ATP8A1: variants seen among roughly 807,000 people sequenced by gnomAD.
ATP8A1 encodes phospholipid-transporting ATPase IA.
Under a neutral mutation model 177.7 loss-of-function variants are expected in ATP8A1, and 90 were observed. The ratio of observed to expected loss-of-function variants is 0.51; its 90% CI spans 0.43 to 0.60. The LOEUF is 0.60. Among genes scored for constraint, ATP8A1 ranks in the 20% least tolerant of loss-of-function variants. The probability of loss-of-function intolerance (pLI) is 0.00; values close to 1 mark genes in which losing one functional copy is unlikely to be tolerated. For synonymous variants in ATP8A1, 493 were observed against 485.9 expected, an observed-to-expected ratio of 1.01 and a Z score of -0.19; for missense variants, 1,072 against 1,392.8, an observed-to-expected ratio of 0.77 and a Z score of 3.67.
chr4:42,546,466 G>A (rs1313956996), intron 19 of ATP8A1, among the ~76,000 whole-genome samples: 2 of 147,936 alleles, frequency 1.4e-5, no homozygotes, highest in Non-Finnish European at 2.9e-5. Context: ...AGCATTAGGA[G>A]ATATACCCAA....
intron 4 of ATP8A1, among the ~76,000 whole-genome samples, chr4:42,623,632 A>G (rs1436438294): frequency 1.3e-5 from 2 of 152,154 alleles, no homozygotes. Context: ...CTCACTTGTA[A>G]ATGGGAGTAA....
chr4:42,484,231 T>C (rs772783691), intron 25 of ATP8A1, among the ~76,000 whole-genome samples: 57 of 152,354 alleles, frequency 3.7e-4, no homozygotes, highest in Admixed American at 2.5e-3. Flanking sequence ...GTCAAAATAA[T>C]TTCCAGTCTC....
intron 16 of ATP8A1, among the ~76,000 whole-genome samples, chr4:42,555,220 A>G: frequency 1.6e-5 from 1 of 62,390 alleles, no homozygotes; most frequent in African/African-American, 4.6e-5. Context: ...GCCCCCCCCT[A>G]GAGAACCCTA....
At chr4:42,484,074 TTAAG>T (rs1488626199) in intron 25 of ATP8A1, among the ~76,000 whole-genome samples, 1 of 152,246 alleles carries the variant, frequency 6.6e-6, no homozygotes, top group African/African-American at 2.4e-5. Context: ...GTTAAAGTGA[TTAAG>T]TGACCAAATC....
intron 15 of ATP8A1, among the ~76,000 whole-genome samples, chr4:42,561,232 C>T (rs995711878): frequency 5.9e-5 from 9 of 152,096 alleles, no homozygotes; most frequent in African/African-American, 2.2e-4. Flanking sequence ...GGGACAGGTG[C>T]GCACTGGGCC....
intron 27 of ATP8A1, among the ~76,000 whole-genome samples, chr4:42,462,171 A>G (rs1719238155): frequency 6.6e-6 from 1 of 152,226 alleles, no homozygotes; most frequent in South Asian, 2.1e-4. Context: ...TTCTGAGGAG[A>G]AATGGAAGCA....
Position 42,423,592 on chromosome 4 carries a change from C to T in ATP8A1, c.3212+25G>A, listed in dbSNP as rs191498738. 1.6e-4 allele frequency: 231 copies of T among 1,470,556 alleles called. 1 individual carries two copies. Among genetic ancestry groups the T allele is most frequent in the Middle Eastern group, 1.7e-4 (1 of 5,800 alleles). The allele number at this position is 1,470,556 out of a possible 1,614,324, so 91.1% of individuals were successfully genotyped here. ...GGATGAATATGCATCTATATTTCTC[C>T]GTATATAACTGAGTATATACTTACA... On this transcript the variant is annotated intron_variant, in intron 34 of 36. Coordinates refer to ENST00000381668, the MANE Select transcript of ATP8A1 (RefSeq NM_006095.2).
intron 20 of ATP8A1, among the ~76,000 whole-genome samples, chr4:42,528,326 A>G (rs185883189): frequency 6.6e-6 from 1 of 152,276 alleles, no homozygotes; most frequent in African/African-American, 2.4e-5. Flanking sequence ...GAAAAATAGT[A>G]AATCAAAAAC....
chr4:42,431,694 A>C (rs1014727098), intron 33 of ATP8A1, among the ~76,000 whole-genome samples: 6 of 152,002 alleles, frequency 3.9e-5, no homozygotes, highest in African/African-American at 1.2e-4. Flanking sequence ...TCTGGCTCTG[A>C]CCCCTCTGAA....
intron 22 of ATP8A1, among the ~76,000 whole-genome samples, chr4:42,514,933 ATGT>A (rs538537129): frequency 2.9e-4 from 44 of 152,374 alleles, no homozygotes; most frequent in African/African-American, 1.1e-3. Flanking sequence ...CTAGGAAAAA[ATGT>A]TGAATACGTA....
chr4:42,581,340 A>G (rs111747447), intron 10 of ATP8A1, among the ~76,000 whole-genome samples: 47 of 152,270 alleles, frequency 3.1e-4, no homozygotes, highest in African/African-American at 9.6e-4. Flanking sequence ...TCACCGTGTT[A>G]GCCAGCATGA....
At chr4:42,589,379 G>C (rs1733935623) in intron 7 of ATP8A1, among the ~76,000 whole-genome samples, 13 of 152,112 alleles carry the variant, frequency 8.5e-5, no homozygotes, top group Admixed American at 8.5e-4. Context: ...CAAACACCTG[G>C]AATTTTCTAA....
chr4:42,618,951 G>A (rs529192775), intron 4 of ATP8A1, among the ~76,000 whole-genome samples: 52 of 152,260 alleles, frequency 3.4e-4, no homozygotes, highest in African/African-American at 1.2e-3. Context: ...ATCTCTAGAT[G>A]ATAATACAGT....
At chr4:42,625,449 G>A (rs909054128) in intron 3 of ATP8A1, 165 bp downstream of exon 3, 1 of 469,966 alleles carries the variant, frequency 2.1e-6, no homozygotes, top group Non-Finnish European at 3.9e-6. Context: ...TGAATCAAAA[G>A]GCTGGAAAAG....
chr4:42,446,487 A>G, intron 31 of ATP8A1, 96 bp downstream of exon 31: 1 of 1,282,040 alleles, frequency 7.8e-7, no homozygotes, highest in Non-Finnish European at 1.1e-6. Flanking sequence ...CCTTAAATCC[A>G]GAAACACTCA....
At chr4:42,515,229 G>C (rs1221532407) in intron 22 of ATP8A1, among the ~76,000 whole-genome samples, 1 of 152,070 alleles carries the variant, frequency 6.6e-6, no homozygotes, top group African/African-American at 2.4e-5. Flanking sequence ...GGAAACTACT[G>C]GAATTTTAAA....
At position 42,431,189 on chromosome 4, in the gene ATP8A1, T is replaced by A. The variant is rs116101827; in HGVS notation, c.3124-7484A>T. Among the ~76,000 whole-genome samples the A allele has an allele frequency of 7.1e-3, 1,082 of 152,296 alleles. 13 individuals carry two copies. The highest frequency in any genetic ancestry group is 0.025 in the African/African-American group (1,023 of 41,578). On this transcript the variant is annotated intron_variant, in intron 33 of 36. Coordinates refer to ENST00000381668, the MANE Select transcript of ATP8A1 (RefSeq NM_006095.2). ...TTATTGAAAAATTTTTATTATAAAA[T>A]TTAAAGAGGAAAAAACTTTAATTTT...
intron 5 of ATP8A1, among the ~76,000 whole-genome samples, chr4:42,615,073 A>G (rs1384251803): frequency 2.0e-5 from 3 of 152,176 alleles, no homozygotes; most frequent in African/African-American, 7.2e-5. Flanking sequence ...ACATGTACCT[A>G]TTTCAACAAA....
intron 15 of ATP8A1, among the ~76,000 whole-genome samples, chr4:42,563,669 G>A (rs954895655): frequency 6.6e-6 from 1 of 152,218 alleles, no homozygotes; most frequent in African/African-American, 2.4e-5. Context: ...GCTGTGTGCA[G>A]TCTAGGACTT....
Sources: allele counts gnomAD v4.1 joint callset (sites outside exome capture counted in the v4.1 genomes callset), GRCh38; gene constraint gnomAD v4.1.1; transcripts MANE v1.5; gene names NCBI Gene and HGNC (gene_info 2026-07-23, HGNC 2026-07-21).